Variants in NUDT13 observed in about 807,000 individuals in gnomAD.
NUDT13 encodes the protein nudix hydrolase 13.
A neutral mutation model predicts 41.7 loss-of-function variants in NUDT13; 40 were observed. That is an observed-to-expected ratio of 0.96 (90% confidence interval 0.75 to 1.25). The LOEUF is 1.25. Ranked by LOEUF, NUDT13 falls within the 50% of genes most tolerant of loss-of-function variation. The probability of loss-of-function intolerance (pLI) is 0.00; values close to 1 mark genes in which losing one functional copy is unlikely to be tolerated. For missense variants in NUDT13, 390 were observed against 416.1 expected (o/e 0.94, Z 0.55); for synonymous variants, 145 against 155.5 (o/e 0.93, Z 0.50).
At chr10:73,114,287 C>A in intron 1 of NUDT13, 70 bp from the exon 2 acceptor site, 1 of 688,766 alleles carries the variant, frequency 1.5e-6, no homozygotes, top group Non-Finnish European at 2.4e-6. Context: ...AAGTATAACC[C>A]TCTTGGCAAT....
intron 1 of NUDT13, among the ~76,000 whole-genome samples, chr10:73,112,990 C>T (rs565881137): frequency 3.9e-4 from 60 of 152,236 alleles, no homozygotes; most frequent in African/African-American, 1.3e-3. Flanking sequence ...TAGGTTCAAG[C>T]GATTCTCCTG....
At chr10:73,111,888 T>G (rs1842373856) in intron 1 of NUDT13, among the ~76,000 whole-genome samples, 1 of 152,200 alleles carries the variant, frequency 6.6e-6, no homozygotes, top group African/African-American at 2.4e-5. Context: ...TTTATTAGGC[T>G]TTTCTTTTGT....
chr10:73,116,691 G>A (rs1024491817), intron 2 of NUDT13, among the ~76,000 whole-genome samples: 22 of 151,784 alleles, frequency 1.4e-4, no homozygotes, highest in African/African-American at 4.4e-4. Flanking sequence ...GCAATAAGCC[G>A]AGATCGTGTC....
In NUDT13 at chr10:73,114,447, C is replaced by G. The variant is rs199672264; in HGVS notation, c.82C>G (p.Arg28Gly). ...RLLSTYVTKTRYLFELKEDDD... is the reference protein window; with the variant it reads ...RLLSTYVTKTGYLFELKEDDD... ...GCTGTCAACCTATGTTACTAAGACA[C>G]GGTGAGTTTTAGCCAACCTGAGCTT... The change falls in exon 2 of 9, where the codon CGG (arginine) becomes GGG (glycine). Residue 28 changes from arginine (R) to glycine (G), a missense_variant and splice_region_variant. Arg to Gly is a moderately radical substitution (Grantham distance 125). Coordinates refer to ENST00000357321, the MANE Select transcript of NUDT13 (RefSeq NM_015901.6). The G allele has an allele frequency of 8.3e-5, 129 of 1,561,292 alleles. 1 individual carries two copies. The highest frequency in any genetic ancestry group is 1.2e-5 in the Non-Finnish European group (14 of 1,147,268).
chr10:73,124,161 C>G (rs1842717019), intron 4 of NUDT13, 53 bp from the exon 5 acceptor site: 4 of 1,285,016 alleles, frequency 3.1e-6, no homozygotes, highest in Non-Finnish European at 4.5e-6. Context: ...GGAGAGAGGC[C>G]CTGAGGCAAA....
At chr10:73,129,992 A>G (rs1458439305) in intron 8 of NUDT13, among the ~76,000 whole-genome samples, 3 of 151,038 alleles carry the variant, frequency 2.0e-5, no homozygotes, top group African/African-American at 7.4e-5. Context: ...AAAAAAAAAA[A>G]GTAATATTTG....
chr10:73,111,918 C>A (rs1185187314), intron 1 of NUDT13, among the ~76,000 whole-genome samples: 9 of 152,094 alleles, frequency 5.9e-5, no homozygotes, highest in Non-Finnish European at 1.2e-4. Flanking sequence ...AATAAGTACA[C>A]ATGGCTAATT....
At chr10:73,114,531 A>G (rs1842454134) in intron 2 of NUDT13, 83 bp downstream of exon 2, 1 of 509,564 alleles carries the variant, frequency 2.0e-6, no homozygotes, top group East Asian at 3.9e-5. Context: ...ATATATATTT[A>G]GGTTTATGAT....
intron 4 of NUDT13, among the ~76,000 whole-genome samples, chr10:73,123,427 G>A (rs1158728968): frequency 1.3e-5 from 2 of 152,004 alleles, no homozygotes; most frequent in Admixed American, 6.5e-5. Flanking sequence ...GTTCACATAG[G>A]AGCCATGAGG....
intron 2 of NUDT13, among the ~76,000 whole-genome samples, chr10:73,118,987 G>A (rs1170055285): frequency 4.0e-5 from 6 of 151,614 alleles, no homozygotes. Context: ...AAAAAAAGAA[G>A]GAAAATGAAA....
chr10:73,117,577 A>G (rs1842547029), intron 2 of NUDT13, among the ~76,000 whole-genome samples: 1 of 151,812 alleles, frequency 6.6e-6, no homozygotes, highest in Non-Finnish European at 1.5e-5. Context: ...AAAAAAAAGA[A>G]TAAAAGTCTA....
chr10:73,116,650 G>A (rs1014374384), intron 2 of NUDT13, among the ~76,000 whole-genome samples: 1 of 151,996 alleles, frequency 6.6e-6, no homozygotes, highest in African/African-American at 2.4e-5. Context: ...GCTGAGGTGG[G>A]AGAGTCGCTT....
intron 2 of NUDT13, among the ~76,000 whole-genome samples, chr10:73,118,444 C>T (rs1283852808): frequency 6.6e-6 from 1 of 152,112 alleles, no homozygotes; most frequent in African/African-American, 2.4e-5. Context: ...ACAAAAGAAG[C>T]CAGTTTTTAC....
rs570316761 is a variant in NUDT13, at chr10:73,131,684, T to C, written c.*781T>C. ...CACAACGTGTTGATTAACAAAGGGA[T>C]TGGTGGAGATAAACAGATGCCAAAC... is the stretch of plus-strand genomic sequence containing the variant. On this transcript the variant is annotated 3_prime_UTR_variant, in exon 9 of 9. Coordinates refer to ENST00000357321, the MANE Select transcript of NUDT13 (RefSeq NM_015901.6). The C allele has an allele frequency of 7.2e-5, 11 of 152,316 alleles. No individual in the cohort carries two copies. In the South Asian group the frequency reaches 1.4e-3, roughly 20 times the overall value. 9.4% of individuals were successfully genotyped at this position (152,316 alleles called of 1,614,324 possible).
At chr10:73,123,596 C>G (rs1842698526) in intron 4 of NUDT13, among the ~76,000 whole-genome samples, 1 of 152,180 alleles carries the variant, frequency 6.6e-6, no homozygotes, top group Non-Finnish European at 1.5e-5. Flanking sequence ...GGGCCTCACT[C>G]CATGCCAGCT....
intron 3 of NUDT13, among the ~76,000 whole-genome samples, chr10:73,120,644 A>G (rs1011282982): frequency 6.6e-6 from 1 of 152,300 alleles, no homozygotes; most frequent in South Asian, 2.1e-4. Context: ...ATGCTAATTC[A>G]GAGTTCCATC....
At chr10:73,127,424 T>G (rs1241932481) in intron 8 of NUDT13, among the ~76,000 whole-genome samples, 3 of 152,114 alleles carry the variant, frequency 2.0e-5, no homozygotes, top group Admixed American at 6.6e-5. Context: ...ATTTATGCCC[T>G]CAAGGAATTT....
In NUDT13 at chr10:73,120,132, C is replaced by T. The variant is rs1842608944; in HGVS notation, c.198C>T (p.Tyr66=). The T allele has an allele frequency of 6.2e-7, 1 of 1,614,196 alleles. No homozygotes were observed. The highest frequency in any genetic ancestry group is 1.3e-5 in the African/African-American group (1 of 75,060). The change falls in exon 3 of 9, where the codon TAC becomes TAT. Residue 66 remains tyrosine (Y), a synonymous_variant. Transcript: ENST00000357321. ...APLLQTSAHQ[Y]LAPRHSLLEL... is the part of the protein sequence containing the mutation. Reference sequence around the variant, plus strand: ...TGCTTCAGACTTCAGCACATCAATACCTGGCCCCCCGGCACAGCCTGTTAG... The same window carrying T: ...TGCTTCAGACTTCAGCACATCAATATCTGGCCCCCCGGCACAGCCTGTTAG...
chr10:73,128,257 T>C (rs964552983), intron 8 of NUDT13, among the ~76,000 whole-genome samples: 2 of 152,192 alleles, frequency 1.3e-5, no homozygotes, highest in African/African-American at 4.8e-5. Flanking sequence ...GGATGCTAGA[T>C]CAAAGGGTAA....
Sources: gnomAD v4.1 joint callset for allele counts (sites outside exome capture counted in the v4.1 genomes callset) on GRCh38, gnomAD v4.1.1 for gene constraint, MANE v1.5 for transcripts, NCBI Gene and HGNC (gene_info 2026-07-23, HGNC 2026-07-21) for gene names.